The following ADGRB3 variants were observed in gnomAD, a reference collection of about 807,000 sequenced individuals.
ADGRB3 encodes brain-specific angiogenesis inhibitor 3.
ADGRB3 carries 37 observed loss-of-function variants against 193.4 expected under a neutral mutation model. That is an observed-to-expected ratio of 0.19 (90% confidence interval 0.15 to 0.25). The LOEUF (loss-of-function observed/expected upper bound fraction) is 0.25. ADGRB3 is among the 10% of genes least tolerant of loss of function. The probability of loss-of-function intolerance (pLI) is 1.00; values close to 1 mark genes in which losing one functional copy is unlikely to be tolerated. For missense variants in ADGRB3, 1,637 were observed against 1,852.9 expected (o/e 0.88, Z 2.14); for synonymous variants, 690 against 644.2 (o/e 1.07, Z -1.08).
intron 11 of ADGRB3, among the ~76,000 whole-genome samples, chr6:69,007,049 C>T (rs889582673): frequency 3.3e-5 from 5 of 152,102 alleles, no homozygotes; most frequent in South Asian, 2.1e-4. Flanking sequence ...GTTGATCCCT[C>T]GTACTCAATT....
At chr6:69,382,984 A>T (rs934364181) in intron 31 of ADGRB3, 49 bp downstream of exon 31, 2 of 1,300,812 alleles carry the variant, frequency 1.5e-6, no homozygotes, top group African/African-American at 1.5e-5. Context: ...ATCATGTCAG[A>T]TATTATTCCT....
chr6:68,990,581 G>A (rs1429775151), intron 10 of ADGRB3, among the ~76,000 whole-genome samples: 3 of 152,164 alleles, frequency 2.0e-5, no homozygotes, highest in African/African-American at 7.2e-5. Context: ...CAGATTTGAT[G>A]CTGACCCAGA....
chr6:68,903,635 C>A (rs1766458333), intron 3 of ADGRB3, among the ~76,000 whole-genome samples: 2 of 152,018 alleles, frequency 1.3e-5, no homozygotes, highest in East Asian at 1.9e-4. Context: ...ACTCTAAGAG[C>A]AGTAGCAGGC....
At chr6:69,224,943 T>G (rs1008932331) in intron 17 of ADGRB3, among the ~76,000 whole-genome samples, 2 of 152,158 alleles carry the variant, frequency 1.3e-5, no homozygotes, top group African/African-American at 4.8e-5. Flanking sequence ...CTTTCCTTCC[T>G]TTTAATATTA....
intron 30 of ADGRB3, among the ~76,000 whole-genome samples, chr6:69,375,543 G>A (rs1769797822): frequency 2.0e-5 from 3 of 152,028 alleles, no homozygotes; most frequent in African/African-American, 4.8e-5. Flanking sequence ...AAATCAAGAA[G>A]ATATCTAGTC....
chr6:69,211,771 C>T (rs372571694), intron 17 of ADGRB3, among the ~76,000 whole-genome samples: 9 of 152,138 alleles, frequency 5.9e-5, no homozygotes, highest in South Asian at 4.1e-4. Context: ...CAAGAATAGA[C>T]GACTCCATAC....
chr6:68,794,194 C>A (rs1194647894), intron 3 of ADGRB3, among the ~76,000 whole-genome samples: 2 of 151,880 alleles, frequency 1.3e-5, no homozygotes, highest in Non-Finnish European at 2.9e-5. Context: ...TTTTATGTAT[C>A]CCTTAAAATT....
At chr6:68,791,274 G>A (rs770523941) in intron 3 of ADGRB3, among the ~76,000 whole-genome samples, 9 of 152,172 alleles carry the variant, frequency 5.9e-5, no homozygotes, top group Admixed American at 2.6e-4. Flanking sequence ...CCATATGCAC[G>A]TAATTACAGA....
At chr6:68,726,644 T>C (rs1765678729) in intron 3 of ADGRB3, among the ~76,000 whole-genome samples, 1 of 151,602 alleles carries the variant, frequency 6.6e-6, no homozygotes, top group African/African-American at 2.4e-5. Flanking sequence ...AAATAAAGGA[T>C]ACAAAATATT....
At chr6:69,263,158 G>T (rs1213742286) in intron 20 of ADGRB3, among the ~76,000 whole-genome samples, 1 of 151,942 alleles carries the variant, frequency 6.6e-6, no homozygotes, top group East Asian at 1.9e-4. Flanking sequence ...ACTTCCTTCA[G>T]TTCACTGTCT....
intron 17 of ADGRB3, among the ~76,000 whole-genome samples, chr6:69,077,621 A>T (rs529140082): frequency 6.6e-6 from 1 of 152,046 alleles, no homozygotes; most frequent in Non-Finnish European, 1.5e-5. Context: ...GTTAAGTTGA[A>T]TTTATCAAAC....
intron 17 of ADGRB3, among the ~76,000 whole-genome samples, chr6:69,197,002 C>T (rs1227776759): frequency 6.6e-6 from 1 of 152,086 alleles, no homozygotes; most frequent in East Asian, 1.9e-4. Context: ...CCATCCTGCT[C>T]ATTTGCTCTG....
intron 11 of ADGRB3, among the ~76,000 whole-genome samples, chr6:69,012,726 G>A (rs1769972954): frequency 6.6e-6 from 1 of 151,802 alleles, no homozygotes; most frequent in African/African-American, 2.4e-5. Context: ...GCACAAATAG[G>A]GCAATTAAAT....
intron 3 of ADGRB3, among the ~76,000 whole-genome samples, chr6:68,784,616 A>G (rs546410004): frequency 6.6e-6 from 1 of 152,128 alleles, no homozygotes; most frequent in African/African-American, 2.4e-5. Flanking sequence ...TCCTCAGTAA[A>G]TAAAAAGCTG....
At chr6:68,637,060 G>A (rs1767977078) in intron 1 of ADGRB3, among the ~76,000 whole-genome samples, 1 of 150,350 alleles carries the variant, frequency 6.7e-6, no homozygotes. Flanking sequence ...TTCTCATGAA[G>A]AAAATGCATT....
chr6:69,044,300 T>C (rs1184116300), intron 13 of ADGRB3, among the ~76,000 whole-genome samples: 3 of 152,200 alleles, frequency 2.0e-5, no homozygotes, highest in African/African-American at 4.8e-5. Flanking sequence ...CATTCTTCTC[T>C]GTAATGCAAC....
intron 3 of ADGRB3, among the ~76,000 whole-genome samples, chr6:68,664,109 T>G (rs1768738921): frequency 6.6e-6 from 1 of 151,822 alleles, no homozygotes; most frequent in Admixed American, 6.6e-5. Flanking sequence ...CTCATTTGTC[T>G]TAATTTACTT....
At position 69,085,332 on chromosome 6, in the gene ADGRB3, T is replaced by G. The variant is rs148445394; in HGVS notation, c.2480+9294T>G. 2.1e-3 allele frequency among the ~76,000 whole-genome samples: 324 copies of G among 152,246 alleles called. 9 individuals carry two copies. In the East Asian group the frequency reaches 0.052, roughly 25 times the overall value. On this transcript the variant is annotated intron_variant, in intron 17 of 31. Coordinates refer to ENST00000370598, the MANE Select transcript of ADGRB3 (RefSeq NM_001704.3). ...TAGACTGTTCTCAGGGACTCTGGGATGATTTCAGGAGACCTTTACACAAGA... is the reference window on the plus strand; with the variant it reads ...TAGACTGTTCTCAGGGACTCTGGGAGGATTTCAGGAGACCTTTACACAAGA...
At chr6:68,938,150 A>G (rs957986600) in intron 5 of ADGRB3, among the ~76,000 whole-genome samples, 8 of 152,138 alleles carry the variant, frequency 5.3e-5, no homozygotes, top group Admixed American at 1.3e-4. Flanking sequence ...AATTGCCACT[A>G]AGAACAAGAA....
Sources: allele counts gnomAD v4.1 joint callset (sites outside exome capture counted in the v4.1 genomes callset), GRCh38; gene constraint gnomAD v4.1.1; transcripts MANE v1.5; gene names NCBI Gene and HGNC (gene_info 2026-07-23, HGNC 2026-07-21).